Variants in TRIM49C observed in about 807,000 individuals in gnomAD.
TRIM49C encodes tripartite motif containing 49C, also known as tripartite motif-containing protein 49C.
A neutral mutation model predicts 21.4 loss-of-function variants in TRIM49C; 6 were observed. The ratio of observed to expected loss-of-function variants is 0.28; its 90% CI spans 0.15 to 0.55. The LOEUF (loss-of-function observed/expected upper bound fraction) is 0.55, where lower values mean the gene tolerates loss of function less well. Ranked by LOEUF, TRIM49C falls within the 20% of genes least tolerant of loss-of-function variation. The probability of loss-of-function intolerance (pLI) is 0.94; values close to 1 mark genes in which losing one functional copy is unlikely to be tolerated. For synonymous variants in TRIM49C, 57 were observed against 148.1 expected, an observed-to-expected ratio of 0.38 and a Z score of 4.47; for missense variants, 161 against 442.4, an observed-to-expected ratio of 0.36 and a Z score of 5.71.
At chr11:90,034,093 T>C (rs1211726045) in intron 2 of TRIM49C, among the ~76,000 whole-genome samples, 1 of 124,118 alleles carries the variant, frequency 8.1e-6, no homozygotes, top group East Asian at 2.4e-4. Context: ...AGTTCCAATA[T>C]AGGCTGTCTC....
At chr11:90,069,894 T>C in the TRIM49C span, among the ~76,000 whole-genome samples, 1 of 108,900 alleles carries the variant, frequency 9.2e-6, no homozygotes. Context: ...TCATTACTTG[T>C]TTCTCAGTAT....
At chr11:90,062,169 C>G in the TRIM49C span, 1 of 390,514 alleles carries the variant, frequency 2.6e-6, no homozygotes, top group Non-Finnish European at 4.4e-6. Flanking sequence ...TAGAGTGAAG[C>G]GGTCAGATTT....
the TRIM49C span, among the ~76,000 whole-genome samples, chr11:90,069,097 T>TTGTTTC: frequency 2.0e-5 from 2 of 99,836 alleles, no homozygotes; most frequent in African/African-American, 6.8e-5. Context: ...TTGTTTTGTT[T>TTGTTTC]TGTTTTTGTT....
the TRIM49C span, among the ~76,000 whole-genome samples, chr11:90,065,833 G>A: frequency 7.3e-6 from 1 of 136,438 alleles, no homozygotes; most frequent in African/African-American, 2.6e-5. Flanking sequence ...GCAGGCACTT[G>A]TAATCCTAGC....
intron 6 of TRIM49C, among the ~76,000 whole-genome samples, chr11:90,039,452 T>G (rs1168444576): frequency 7.7e-6 from 1 of 129,728 alleles, no homozygotes; most frequent in African/African-American, 2.9e-5. Flanking sequence ...CTAGGGAAGT[T>G]CTTTGCTAAA....
intron 6 of TRIM49C, 104 bp downstream of exon 6, chr11:90,038,819 C>G: frequency 2.2e-6 from 1 of 452,888 alleles, no homozygotes. Flanking sequence ...ATTGATACCA[C>G]TTTTTTTTGC....
the TRIM49C span, among the ~76,000 whole-genome samples, chr11:90,056,028 G>A: frequency 8.4e-6 from 1 of 119,146 alleles, no homozygotes; most frequent in Non-Finnish European, 1.7e-5. Context: ...GCACAATCTT[G>A]GCTCACTGCA....
chr11:90,035,421 G>A lies in TRIM49C; in HGVS notation c.210G>A (p.Leu70=). ...TAAACCTCAAAACCAACATTCATTTGAAGAAGATGGCTTCTCTTGCCAGAA... is the reference window on the plus strand; with the variant it reads ...TAAACCTCAAAACCAACATTCATTTAAAGAAGATGGCTTCTCTTGCCAGAA... ...EQINLKTNIH[L]KKMASLARKV... is the part of the protein sequence containing the mutation. Residue 70 remains leucine, a synonymous_variant, in exon 3 of 8, where the codon TTG becomes TTA. Coordinates refer to ENST00000448984, the MANE Select transcript of TRIM49C (RefSeq NM_001195234.1). 1.3e-6 allele frequency: 2 copies of A among 1,495,608 alleles called. No homozygotes were observed. The highest frequency in any genetic ancestry group is 1.8e-6 in the Non-Finnish European group (2 of 1,109,660). The allele number at this position is 1,495,608 out of a possible 1,614,324, so 92.6% of individuals were successfully genotyped here. A position where few individuals can be genotyped will look rare whatever the true frequency, so the allele number is the denominator to read the frequency against.
downstream of TRIM49C, among the ~76,000 whole-genome samples, chr11:90,043,654 G>T (rs1273867836): frequency 2.5e-5 from 3 of 121,038 alleles, no homozygotes; most frequent in Non-Finnish European, 5.0e-5. Context: ...ACCAGAATCT[G>T]CTATGAATAG....
downstream of TRIM49C, among the ~76,000 whole-genome samples, chr11:90,043,668 C>G (rs1203377501): frequency 1.7e-5 from 2 of 121,178 alleles, 1 homozygote; most frequent in African/African-American, 6.7e-5. Context: ...TGAATAGTCT[C>G]ATGTCTAGAG....
chr11:90,048,554 G>A, the TRIM49C span, among the ~76,000 whole-genome samples: 6,250 of 128,158 alleles, frequency 0.049, 809 homozygotes, highest in African/African-American at 0.19. Flanking sequence ...CCAGTTGATC[G>A]AATCAGCTAC....
At chr11:90,046,220 G>A (rs4002112), downstream of TRIM49C, among the ~76,000 whole-genome samples, 3 of 125,074 alleles carry the variant, frequency 2.4e-5, no homozygotes, top group Non-Finnish European at 3.3e-5. Context: ...TGTTCATCAG[G>A]GATATTGGTC....
the TRIM49C span, among the ~76,000 whole-genome samples, chr11:90,060,440 G>T: frequency 6.6e-6 from 1 of 152,266 alleles, no homozygotes; most frequent in Non-Finnish European, 1.5e-5. Context: ...ACTAAACAAT[G>T]AAAAGCTTCA....
chr11:90,062,524 T>A, the TRIM49C span: 10 of 1,137,638 alleles, frequency 8.8e-6, no homozygotes, highest in Admixed American at 3.3e-4. Flanking sequence ...ACCATCATTG[T>A]CACAGGCCCT....
downstream of TRIM49C, among the ~76,000 whole-genome samples, chr11:90,045,849 G>C (rs1369093416): frequency 2.5e-5 from 3 of 120,690 alleles, 1 homozygote; most frequent in African/African-American, 1.0e-4. Flanking sequence ...TCCCTGTCTT[G>C]CACCACTTTT....
rs1275451255 is a variant in TRIM49C, at chr11:90,035,520, C to G, written c.309C>G (p.Phe103Leu). 1 of 1,477,568 alleles carries G rather than the reference C, an allele frequency of 6.8e-7. No individual in the cohort carries two copies. Among genetic ancestry groups the G allele is most frequent in the Non-Finnish European group, 9.1e-7 (1 of 1,103,650 alleles). 91.5% of individuals were successfully genotyped at this position (1,477,568 alleles called of 1,614,324 possible). Reference protein sequence around the residue: ...CGTHRETKKIFCEVDRSLLCL... With the variant: ...CGTHRETKKILCEVDRSLLCL... ...CTCACAGGGAGACAAAGAAGATATT[C>G]TGTGAAGTGGACAGGAGCCTGCTCT... The change falls in exon 3 of 8, where the codon TTC becomes TTG. Residue 103 changes from phenylalanine to leucine, a missense_variant. By Grantham distance (22) the Phe-to-Leu change is conservative (BLOSUM62 0). This residue lies in a region of TRIM49C where 80 missense variants were observed against 314.8 expected (regional missense o/e 0.25). Coordinates refer to ENST00000448984, the MANE Select transcript of TRIM49C (RefSeq NM_001195234.1).
intron 7 of TRIM49C, 39 bp from the exon 8 acceptor site, chr11:90,041,012 A>G (rs1950763969): frequency 6.8e-7 from 1 of 1,468,326 alleles, no homozygotes; most frequent in Admixed American, 2.8e-5. Flanking sequence ...TTATTTACAC[A>G]TGTCTATGCA....
At chr11:90,046,156 T>C (rs1950800193), downstream of TRIM49C, among the ~76,000 whole-genome samples, 2 of 124,898 alleles carry the variant, frequency 1.6e-5, 1 homozygote, top group African/African-American at 6.5e-5. Flanking sequence ...GATAAGCTTT[T>C]TGATGTGCTG....
In TRIM49C at chr11:90,033,487, C is replaced by A. The variant is rs1312494386; in HGVS notation, c.-5+905C>A. On this transcript the variant is annotated intron_variant, in intron 2 of 7. Transcript: ENST00000448984. ...TTCTGTATTCAATTATGTTTAGATA[C>A]ACAAATAGTTATCATTGTGTTACAG... Among the ~76,000 whole-genome samples, 22 of 133,286 alleles carry A rather than the reference C, an allele frequency of 1.7e-4. 5 individuals carry two copies. The highest frequency in any genetic ancestry group is 3.4e-4 in the Non-Finnish European group (21 of 62,000). 87.4% of individuals were successfully genotyped at this position (133,286 alleles called of 152,430 possible).
Sources: gnomAD v4.1 joint callset for allele counts (sites outside exome capture counted in the v4.1 genomes callset) on GRCh38, gnomAD v4.1.1 for gene constraint, gnomAD v4.1.1 regional missense constraint, MANE v1.5 for transcripts, NCBI Gene and HGNC (gene_info 2026-07-23, HGNC 2026-07-21) for gene names.